The following KIAA0825 variants were observed in gnomAD, a reference collection of about 807,000 sequenced individuals.
The protein encoded by KIAA0825 is KIAA0825, also known as uncharacterized protein KIAA0825.
A neutral mutation model predicts 147.6 loss-of-function variants in KIAA0825; 119 were observed. That is an observed-to-expected ratio of 0.81 (90% CI 0.69 to 0.94). The LOEUF (loss-of-function observed/expected upper bound fraction) is 0.94. Among genes scored for constraint, KIAA0825 ranks in the 40% least tolerant of loss-of-function variants. The pLI is 0.00. For missense variants in KIAA0825, 1,381 were observed against 1,472.7 expected, an observed-to-expected ratio of 0.94 and a Z score of 1.02; for synonymous variants, 470 against 518.1, an observed-to-expected ratio of 0.91 and a Z score of 1.26.
At chr5:94,433,173 G>C (rs542895109) in intron 14 of KIAA0825, among the ~76,000 whole-genome samples, 5 of 152,150 alleles carry the variant, frequency 3.3e-5, no homozygotes, top group African/African-American at 4.8e-5. Flanking sequence ...GACTACAGGC[G>C]CCTGCCACCA....
rs978647951 is a variant in KIAA0825, at chr5:94,229,412, T to C, written c.3711-75288A>G. On this transcript the variant is annotated intron_variant, in intron 20 of 20. Coordinates refer to ENST00000682413, the MANE Select transcript of KIAA0825 (RefSeq NM_001145678.3). ...CTTTATCCCCAGAGAGTTATAATGT[T>C]CGTGATGATGTACATTGGTATGGGT... 2.6e-5 allele frequency among the ~76,000 whole-genome samples: 4 copies of C among 152,108 alleles called. No individual in the cohort carries two copies. In the East Asian group the frequency reaches 7.7e-4, roughly 29 times the overall value.
At chr5:94,461,616 A>T (rs182365064) in intron 12 of KIAA0825, among the ~76,000 whole-genome samples, 22 of 152,034 alleles carry the variant, frequency 1.4e-4, no homozygotes, top group Non-Finnish European at 1.9e-4. Context: ...ATTCTCTTAG[A>T]ATATCTAATA....
At chr5:94,169,302 C>A (rs1768361693) in intron 20 of KIAA0825, among the ~76,000 whole-genome samples, 1 of 152,126 alleles carries the variant, frequency 6.6e-6, no homozygotes, top group Non-Finnish European at 1.5e-5. Context: ...TTAAAACTGG[C>A]AGGGTGCAAT....
chr5:94,423,576 T>C (rs1562483085), intron 14 of KIAA0825, among the ~76,000 whole-genome samples: 1 of 152,158 alleles, frequency 6.6e-6, no homozygotes, highest in East Asian at 1.9e-4. Context: ...TTTTACTTTC[T>C]ACTTTCTACA....
intron 2 of KIAA0825, among the ~76,000 whole-genome samples, chr5:94,556,209 C>A (rs1776519400): frequency 2.0e-5 from 3 of 151,984 alleles, no homozygotes; most frequent in Admixed American, 2.0e-4. Context: ...TGTGCCACCA[C>A]ACCCGGCTAG....
chr5:94,315,864 T>C (rs975092267), intron 20 of KIAA0825, among the ~76,000 whole-genome samples: 3 of 151,774 alleles, frequency 2.0e-5, no homozygotes, highest in African/African-American at 7.2e-5. Flanking sequence ...TTTTTAGCAT[T>C]GTTCAGCTCT....
intron 20 of KIAA0825, among the ~76,000 whole-genome samples, chr5:94,191,767 G>A (rs1013430510): frequency 6.6e-6 from 1 of 152,200 alleles, no homozygotes; most frequent in African/African-American, 2.4e-5. Flanking sequence ...GCGGAGTGCT[G>A]CAGCCTGTCT....
At chr5:94,595,234 C>T (rs927931584) in intron 1 of KIAA0825, among the ~76,000 whole-genome samples, 1 of 152,224 alleles carries the variant, frequency 6.6e-6, no homozygotes, top group Non-Finnish European at 1.5e-5. Context: ...GGCTACACCC[C>T]TGCAGCACAC....
At chr5:94,362,143 A>C (rs539635961) in intron 20 of KIAA0825, among the ~76,000 whole-genome samples, 29 of 152,214 alleles carry the variant, frequency 1.9e-4, no homozygotes, top group Non-Finnish European at 3.8e-4. Context: ...ACAGTCTACA[A>C]GGCCATTTGA....
chr5:94,273,591 A>G (rs1329666808), intron 20 of KIAA0825, among the ~76,000 whole-genome samples: 2 of 152,152 alleles, frequency 1.3e-5, no homozygotes, highest in African/African-American at 4.8e-5. Flanking sequence ...TGTCCCAAAT[A>G]GAATAGTTAA....
At chr5:94,569,283 C>A in intron 2 of KIAA0825, 2 of 291,038 alleles carry the variant, frequency 6.9e-6, no homozygotes, top group Admixed American at 5.3e-5. Flanking sequence ...CCATTATACC[C>A]CCTAAATAAA....
At chr5:94,574,543 C>CAAAAAAAAAAAAAAAAAAAAAA (rs1181241238) in intron 2 of KIAA0825, among the ~76,000 whole-genome samples, 1 of 65,530 alleles carries the variant, frequency 1.5e-5, no homozygotes, top group Non-Finnish European at 2.6e-5. Context: ...GACTCCATCT[C>CAAAAAAAAAAAAAAAAAAAAAA]AAAAAAAAAA....
At chr5:94,320,236 ATG>A (rs1463800265) in intron 20 of KIAA0825, among the ~76,000 whole-genome samples, 1 of 151,980 alleles carries the variant, frequency 6.6e-6, no homozygotes, top group African/African-American at 2.4e-5. Flanking sequence ...TATGGGGTAC[ATG>A]TGATATTTTG....
At chr5:94,265,747 G>A (rs1254472297) in intron 20 of KIAA0825, among the ~76,000 whole-genome samples, 3 of 152,184 alleles carry the variant, frequency 2.0e-5, no homozygotes, top group Non-Finnish European at 4.4e-5. Flanking sequence ...GTTGCAGTGA[G>A]CCGAGATTGC....
intron 2 of KIAA0825, among the ~76,000 whole-genome samples, chr5:94,557,825 A>G (rs1044847226): frequency 6.6e-6 from 1 of 152,124 alleles, no homozygotes; most frequent in African/African-American, 2.4e-5. Context: ...TTTTCACTCT[A>G]TTAAATCTTG....
rs915557539 is a variant in KIAA0825, at chr5:94,287,557, T to C, written c.3710+96811A>G. ...TTTCAAAACAATTATTGTATATTTA[T>C]ACAAGAGTCTTGTATATTGCTTGTG... On this transcript the variant is annotated intron_variant, in intron 20 of 20. Transcript: ENST00000682413. Among the ~76,000 whole-genome samples the C allele has an allele frequency of 3.9e-5, 6 of 152,312 alleles. No homozygotes were observed. In the East Asian group the frequency reaches 9.6e-4, roughly 24 times the overall value.
intron 20 of KIAA0825, among the ~76,000 whole-genome samples, chr5:94,165,333 C>T (rs1328346378): frequency 1.3e-5 from 2 of 152,088 alleles, no homozygotes; most frequent in Admixed American, 6.5e-5. Flanking sequence ...GTTAAAATGG[C>T]TTATATCCCA....
chr5:94,576,168 T>A (rs1283803262), intron 2 of KIAA0825, among the ~76,000 whole-genome samples: 1 of 152,138 alleles, frequency 6.6e-6, no homozygotes, highest in Admixed American at 6.5e-5. Flanking sequence ...CATAACAAAG[T>A]ATTATTTTTC....
chr5:94,420,438 T>G (rs1344963968), intron 14 of KIAA0825, among the ~76,000 whole-genome samples: 1 of 152,198 alleles, frequency 6.6e-6, no homozygotes, highest in African/African-American at 2.4e-5. Context: ...GACATTTTAC[T>G]GACAATAACC....
Sources: gnomAD v4.1 joint callset for allele counts (sites outside exome capture counted in the v4.1 genomes callset) on GRCh38, gnomAD v4.1.1 for gene constraint, MANE v1.5 for transcripts, NCBI Gene and HGNC (gene_info 2026-07-23, HGNC 2026-07-21) for gene names.